Variants in RAB11FIP4 observed in about 807,000 individuals in gnomAD.
The protein encoded by RAB11FIP4 is rab11 family-interacting protein 4.
Under a neutral mutation model 74.3 loss-of-function variants are expected in RAB11FIP4, and 23 were observed. That is an observed-to-expected ratio of 0.31 (90% CI 0.22 to 0.44). The LOEUF (loss-of-function observed/expected upper bound fraction) is 0.44. RAB11FIP4 is among the 20% of genes least tolerant of loss of function. RAB11FIP4 has a pLI of 1.00. For synonymous variants in RAB11FIP4, 360 were observed against 359.9 expected (o/e 1.00, Z 0.00); for missense variants, 630 against 863.9 (o/e 0.73, Z 3.39).
chr17:31,406,983 C>T (rs956916112), intron 1 of RAB11FIP4, among the ~76,000 whole-genome samples: 1 of 151,100 alleles, frequency 6.6e-6, no homozygotes, highest in African/African-American at 2.4e-5. Context: ...TTTATAACCC[C>T]CAGTTAACTC....
At chr17:31,527,739 A>G (rs1042501546) in intron 10 of RAB11FIP4, 103 bp from the exon 11 acceptor site, 8 of 798,580 alleles carry the variant, frequency 1.0e-5, no homozygotes, top group Non-Finnish European at 1.6e-5. Flanking sequence ...GGTTTCTGGT[A>G]TCTTTCCTCT....
chr17:31,445,680 G>T (rs2071457189), intron 3 of RAB11FIP4, among the ~76,000 whole-genome samples: 1 of 146,678 alleles, frequency 6.8e-6, no homozygotes, highest in Admixed American at 6.9e-5. Context: ...CCGCCTCCTG[G>T]GTTCAAACGA....
intron 10 of RAB11FIP4, chr17:31,527,052 C>T (rs901420529): frequency 6.6e-6 from 1 of 152,262 alleles, no homozygotes; most frequent in African/African-American, 2.4e-5. Flanking sequence ...AGAGCCCATG[C>T]CTGTGGTCAT....
chr17:31,438,485 C>A (rs1360003968), intron 3 of RAB11FIP4, among the ~76,000 whole-genome samples: 2 of 152,004 alleles, frequency 1.3e-5, no homozygotes, highest in Non-Finnish European at 2.9e-5. Flanking sequence ...TGCCTTGAGT[C>A]CTCTGTTCCC....
chr17:31,411,160 G>A (rs973958028), intron 1 of RAB11FIP4, among the ~76,000 whole-genome samples: 7 of 152,116 alleles, frequency 4.6e-5, no homozygotes, highest in Non-Finnish European at 4.4e-5. Flanking sequence ...TCAACAGATC[G>A]AGACCATCCT....
chr17:31,463,743 G>A (rs1237543962), intron 3 of RAB11FIP4, among the ~76,000 whole-genome samples: 1 of 140,190 alleles, frequency 7.1e-6, no homozygotes, highest in Non-Finnish European at 1.5e-5. Context: ...GACCTCAGGT[G>A]ATCGCTCGCC....
intron 3 of RAB11FIP4, among the ~76,000 whole-genome samples, chr17:31,457,304 T>C (rs889320203): frequency 6.6e-6 from 1 of 152,070 alleles, no homozygotes; most frequent in Admixed American, 6.5e-5. Context: ...TCCCTGTTTG[T>C]TCACTGACGT....
chr17:31,471,814 T>C (rs2071739878), intron 3 of RAB11FIP4, among the ~76,000 whole-genome samples: 1 of 152,116 alleles, frequency 6.6e-6, no homozygotes, highest in Non-Finnish European at 1.5e-5. Flanking sequence ...TGGATGTGTG[T>C]CTGAAACAGG....
At chr17:31,529,676 C>T (rs2142832794) in intron 13 of RAB11FIP4, among the ~76,000 whole-genome samples, 1 of 152,296 alleles carries the variant, frequency 6.6e-6, no homozygotes, top group South Asian at 2.1e-4. Flanking sequence ...TCAGCTCTGC[C>T]TGACCCTGCA....
At chr17:31,504,772 CTGG>C (rs894308872) in intron 3 of RAB11FIP4, among the ~76,000 whole-genome samples, 3 of 152,114 alleles carry the variant, frequency 2.0e-5, no homozygotes, top group African/African-American at 7.2e-5. Context: ...TCTTTTACAG[CTGG>C]TGGTGGTTTG....
intron 1 of RAB11FIP4, among the ~76,000 whole-genome samples, chr17:31,403,328 CTTT>C (rs565010724): frequency 6.8e-6 from 1 of 146,750 alleles, no homozygotes. Flanking sequence ...TTCTTTCTTT[CTTT>C]TTTTTTTTTG....
intron 1 of RAB11FIP4, among the ~76,000 whole-genome samples, chr17:31,401,513 G>A (rs1296944859): frequency 1.3e-5 from 2 of 152,264 alleles, no homozygotes; most frequent in Non-Finnish European, 2.9e-5. Context: ...CCATACAGCT[G>A]TAGCCCAGAT....
Position 31,522,066 on chromosome 17 carries a change from G to C in RAB11FIP4, c.893+17G>C. ...GGCCAACAGGTGAGGCCCAGGCCCA[G>C]CTGGGGGGTGAGAGGCCGGGGGGCC... On this transcript the variant is annotated intron_variant, in intron 6 of 14. Coordinates refer to ENST00000621161, the MANE Select transcript of RAB11FIP4 (RefSeq NM_032932.6). 6.2e-7 allele frequency: 1 copy of C among 1,613,836 alleles called. No individual in the cohort carries two copies. Among genetic ancestry groups the C allele is most frequent in the Non-Finnish European group, 8.5e-7 (1 of 1,179,998 alleles).
intron 3 of RAB11FIP4, among the ~76,000 whole-genome samples, chr17:31,497,451 C>G (rs1266490498): frequency 6.6e-6 from 1 of 152,174 alleles, no homozygotes; most frequent in African/African-American, 2.4e-5. Context: ...GCTCCTGAGA[C>G]AGACGGAGGA....
chr17:31,398,461 TG>T (rs922571215), intron 1 of RAB11FIP4, among the ~76,000 whole-genome samples: 1 of 149,808 alleles, frequency 6.7e-6, no homozygotes, highest in African/African-American at 2.5e-5. Context: ...GACCGTGCCA[TG>T]GGGGGTGGGG....
In RAB11FIP4 at chr17:31,528,419, T is replaced by A; in HGVS notation, c.1370T>A (p.Met457Lys). The A allele has an allele frequency of 6.2e-7, 1 of 1,612,944 alleles. No homozygotes were observed. The highest frequency in any genetic ancestry group is 1.3e-5 in the African/African-American group (1 of 75,070). ...TCCCTGCTCCAGGAGCGGCAGCGCA[T>A]GTCTGACCGTCTGGAGGACACCAGC... ...TEKLDEERQR[M>K]SDRLEDTSLR... Residue 457 changes from methionine (M) to lysine (K), a missense_variant, in exon 12 of 15, where the codon ATG becomes AAG. Physicochemically the swap from Met to Lys is moderately conservative, Grantham distance 95. Coordinates refer to ENST00000621161, the MANE Select transcript of RAB11FIP4 (RefSeq NM_032932.6).
chr17:31,460,775 G>T (rs2071626298), intron 3 of RAB11FIP4, among the ~76,000 whole-genome samples: 1 of 152,042 alleles, frequency 6.6e-6, no homozygotes, highest in Non-Finnish European at 1.5e-5. Flanking sequence ...CTGTCACCCA[G>T]GCTGGAGTGC....
At chr17:31,463,757 G>T (rs1230523901) in intron 3 of RAB11FIP4, among the ~76,000 whole-genome samples, 1 of 133,490 alleles carries the variant, frequency 7.5e-6, no homozygotes, top group Non-Finnish European at 1.6e-5. Flanking sequence ...GCTCGCCTAG[G>T]CCTCCCAAAG....
chr17:31,410,772 C>T (rs2071086472), intron 1 of RAB11FIP4, among the ~76,000 whole-genome samples: 1 of 152,156 alleles, frequency 6.6e-6, no homozygotes. Flanking sequence ...TTTCTGCCAG[C>T]CTCAGAGGGC....
Sources: allele counts gnomAD v4.1 joint callset (sites outside exome capture counted in the v4.1 genomes callset), GRCh38; gene constraint gnomAD v4.1.1; transcripts MANE v1.5; gene names NCBI Gene and HGNC (gene_info 2026-07-23, HGNC 2026-07-21).